Variants in FSD1L observed in about 807,000 individuals in gnomAD.
FSD1L encodes the protein fibronectin type III and SPRY domain containing 1 like.
Under a neutral mutation model 71.6 loss-of-function variants are expected in FSD1L, and 45 were observed. The observed-to-expected ratio is 0.63, with a 90% CI of 0.49 to 0.81. The LOEUF (loss-of-function observed/expected upper bound fraction) is 0.81, where lower values mean the gene tolerates loss of function less well. Ranked by LOEUF, FSD1L falls within the 30% of genes least tolerant of loss-of-function variation. FSD1L has a pLI of 0.00. For synonymous variants in FSD1L, 197 were observed against 207.2 expected (o/e 0.95, Z 0.42); for missense variants, 561 against 618.1 (o/e 0.91, Z 0.98).
At chr9:105,495,724 C>G (rs759446326) in intron 7 of FSD1L, among the ~76,000 whole-genome samples, 52 of 152,110 alleles carry the variant, frequency 3.4e-4, no homozygotes, top group Non-Finnish European at 5.3e-4. Flanking sequence ...CGCCTGTAAC[C>G]CCAGCATTTT....
At chr9:105,461,228 C>A (rs1351555502) in intron 1 of FSD1L, among the ~76,000 whole-genome samples, 1 of 152,084 alleles carries the variant, frequency 6.6e-6, no homozygotes, top group Admixed American at 6.5e-5. Flanking sequence ...ACATAGACCT[C>A]TTAAGTCTGT....
upstream of FSD1L, among the ~76,000 whole-genome samples, chr9:105,445,383 G>A (rs1302753491): frequency 1.3e-5 from 2 of 152,282 alleles, no homozygotes; most frequent in South Asian, 2.1e-4. Context: ...AACTTGGGAA[G>A]CTGGAGGCAA....
At chr9:105,464,589 T>C (rs1588936259) in intron 3 of FSD1L, among the ~76,000 whole-genome samples, 1 of 152,222 alleles carries the variant, frequency 6.6e-6, no homozygotes, top group African/African-American at 2.4e-5. Context: ...CTTTTCCATT[T>C]GACATTTTTT....
intron 10 of FSD1L, chr9:105,521,002 C>T (rs1835114418): frequency 6.2e-7 from 1 of 1,611,838 alleles, no homozygotes; most frequent in Non-Finnish European, 8.5e-7. Flanking sequence ...TATTACTTGC[C>T]TTATATTTTT....
chr9:105,500,620 A>C (rs1316738027), intron 7 of FSD1L: 1 of 152,190 alleles, frequency 6.6e-6, no homozygotes, highest in Non-Finnish European at 1.5e-5. Context: ...CTGCTGTGGA[A>C]GCATAAGGGG....
At chr9:105,481,845 T>C (rs893712623) in intron 6 of FSD1L, among the ~76,000 whole-genome samples, 21 of 152,016 alleles carry the variant, frequency 1.4e-4, no homozygotes, top group African/African-American at 3.4e-4. Flanking sequence ...CAATCACAGC[T>C]TACTGCAGCC....
At chr9:105,478,184 G>A (rs1226896803) in intron 5 of FSD1L, among the ~76,000 whole-genome samples, 2 of 152,202 alleles carry the variant, frequency 1.3e-5, no homozygotes, top group African/African-American at 4.8e-5. Flanking sequence ...GGCAGAGCTT[G>A]CAGTGAGCCA....
chr9:105,446,105 C>A (rs1411078407), upstream of FSD1L, among the ~76,000 whole-genome samples: 2 of 149,774 alleles, frequency 1.3e-5, no homozygotes, highest in African/African-American at 2.4e-5. Flanking sequence ...ATTCAGCCCT[C>A]AAAAAAAAAA....
chr9:105,442,506 C>T, the FSD1L span, among the ~76,000 whole-genome samples: 1 of 151,342 alleles, frequency 6.6e-6, no homozygotes, highest in African/African-American at 2.4e-5. Context: ...TGGTGAAATC[C>T]CATCTCTACA....
chr9:105,534,770 C>A (rs1039835206), intron 11 of FSD1L, among the ~76,000 whole-genome samples, 177 bp downstream of exon 11: 7 of 152,064 alleles, frequency 4.6e-5, no homozygotes, highest in African/African-American at 1.4e-4. Flanking sequence ...ATTATTGATA[C>A]TTTTAAAACT....
At chr9:105,498,333 G>T (rs1833552695) in intron 7 of FSD1L, among the ~76,000 whole-genome samples, 1 of 151,512 alleles carries the variant, frequency 6.6e-6, no homozygotes, top group Non-Finnish European at 1.5e-5. Flanking sequence ...GTGATGTTTG[G>T]CAATTTTGTC....
intron 1 of FSD1L, among the ~76,000 whole-genome samples, chr9:105,455,077 C>T (rs1456826046): frequency 2.0e-5 from 3 of 152,136 alleles, no homozygotes; most frequent in South Asian, 2.1e-4. Flanking sequence ...AGCTGGATAG[C>T]GCTTTCTTGA....
chr9:105,493,752 A>T (rs1418406811), intron 7 of FSD1L, among the ~76,000 whole-genome samples: 1 of 151,608 alleles, frequency 6.6e-6, no homozygotes, highest in Non-Finnish European at 1.5e-5. Context: ...TTTCTCCTTC[A>T]CTTATGAAGC....
At chr9:105,469,883 G>A (rs1831339595) in intron 4 of FSD1L, among the ~76,000 whole-genome samples, 3 of 151,980 alleles carry the variant, frequency 2.0e-5, no homozygotes, top group Admixed American at 2.0e-4. Flanking sequence ...TTTTCTTCTA[G>A]GAGCTTTAGA....
chr9:105,543,006 T>C (rs963686047), intron 13 of FSD1L, among the ~76,000 whole-genome samples: 13 of 152,188 alleles, frequency 8.5e-5, no homozygotes, highest in African/African-American at 3.1e-4. Context: ...GTTAGATATT[T>C]TGAGTAAATA....
At chr9:105,505,256 G>A (rs368256359) in intron 7 of FSD1L, among the ~76,000 whole-genome samples, 29 of 151,974 alleles carry the variant, frequency 1.9e-4, no homozygotes, top group Non-Finnish European at 1.9e-4. Context: ...TTGTTTTTTT[G>A]TTGTTGTTGT....
chr9:105,495,436 T>C (rs1488021540), intron 7 of FSD1L, among the ~76,000 whole-genome samples: 9 of 152,332 alleles, frequency 5.9e-5, no homozygotes, highest in Admixed American at 6.5e-5. Flanking sequence ...GGGAACTCCC[T>C]GACCCCTTGC....
intron 4 of FSD1L, among the ~76,000 whole-genome samples, chr9:105,470,424 T>C (rs1315312366): frequency 6.6e-6 from 1 of 152,186 alleles, no homozygotes; most frequent in Non-Finnish European, 1.5e-5. Context: ...TATATTTCTT[T>C]TAGCATTGTA....
rs1219222380 is a variant in FSD1L at position 105,550,583 on chromosome 9, C to T, written c.*4100C>T. On this transcript the variant is annotated 3_prime_UTR_variant, in exon 14 of 14. Transcript: ENST00000481272. ...AATTATTTGTGATCCTGATATGTCACATATAATAGCTTTGTTACCTGGAGT... is the reference window on the plus strand; with the variant it reads ...AATTATTTGTGATCCTGATATGTCATATATAATAGCTTTGTTACCTGGAGT... 1 of 152,042 alleles carries T rather than the reference C, an allele frequency of 6.6e-6. No homozygotes were observed. The highest frequency in any genetic ancestry group is 1.5e-5 in the Non-Finnish European group (1 of 67,938). The allele number at this position is 152,042 out of a possible 1,614,324, so 9.4% of individuals were successfully genotyped here.
Sources: gnomAD v4.1 joint callset for allele counts (sites outside exome capture counted in the v4.1 genomes callset) on GRCh38, gnomAD v4.1.1 for gene constraint, MANE v1.5 for transcripts, NCBI Gene and HGNC (gene_info 2026-07-23, HGNC 2026-07-21) for gene names.